The following TPTE variants were observed in gnomAD, a reference collection of about 807,000 sequenced individuals.
The protein encoded by TPTE is putative tyrosine-protein phosphatase TPTE.
TPTE carries 59 observed loss-of-function variants against 84.1 expected under a neutral mutation model. That is an observed-to-expected ratio of 0.70 (90% CI 0.57 to 0.87). The LOEUF (loss-of-function observed/expected upper bound fraction) is 0.87, where lower values mean the gene tolerates loss of function less well. Ranked by LOEUF, TPTE falls within the 40% of genes least tolerant of loss-of-function variation. TPTE has a pLI of 0.00. For synonymous variants in TPTE, 130 were observed against 223.5 expected (o/e 0.58, Z 3.73); for missense variants, 382 against 659.6 (o/e 0.58, Z 4.61).
At chr21:10,553,230 A>G (rs1383035184) in intron 8 of TPTE, among the ~76,000 whole-genome samples, 2 of 152,298 alleles carry the variant, frequency 1.3e-5, no homozygotes, top group African/African-American at 2.4e-5. Flanking sequence ...GCATTTTATC[A>G]TGTACTCACT....
chr21:10,604,115 A>G (rs1441383593), intron 23 of TPTE, among the ~76,000 whole-genome samples: 1 of 152,308 alleles, frequency 6.6e-6, no homozygotes, highest in Non-Finnish European at 1.5e-5. Flanking sequence ...TAAGGAATAC[A>G]GCTAAGAAAT....
intron 10 of TPTE, among the ~76,000 whole-genome samples, chr21:10,566,210 A>T (rs1223422198): frequency 6.6e-6 from 1 of 152,308 alleles, no homozygotes; most frequent in Non-Finnish European, 1.5e-5. Context: ...TTGAATAGGC[A>T]TTTCTCAAAA....
chr21:10,587,397 G>T (rs1234763643), intron 17 of TPTE, among the ~76,000 whole-genome samples: 1 of 152,304 alleles, frequency 6.6e-6, no homozygotes, highest in African/African-American at 2.4e-5. Flanking sequence ...ACTCCCCAGG[G>T]TCCATTATTG....
intron 14 of TPTE, among the ~76,000 whole-genome samples, chr21:10,572,017 AAAAT>A (rs1161106000): frequency 6.6e-6 from 1 of 152,412 alleles, no homozygotes; most frequent in African/African-American, 2.4e-5. Context: ...AAAAAAAAAA[AAAAT>A]ACAATCAAGA....
intron 10 of TPTE, among the ~76,000 whole-genome samples, chr21:10,563,623 A>G (rs1441228131): frequency 1.3e-5 from 2 of 152,426 alleles, no homozygotes; most frequent in Non-Finnish European, 2.9e-5. Flanking sequence ...TGGTAACCTC[A>G]AACCAAAAAA....
intron 5 of TPTE, among the ~76,000 whole-genome samples, chr21:10,541,686 A>T (rs370089077): frequency 6.6e-6 from 1 of 152,310 alleles, no homozygotes; most frequent in African/African-American, 2.4e-5. Flanking sequence ...AGAGGCTTCC[A>T]TCTGTTACTG....
intron 2 of TPTE, among the ~76,000 whole-genome samples, chr21:10,527,149 T>TCACACACA (rs1277546815): frequency 1.4e-3 from 199 of 147,238 alleles, no homozygotes; most frequent in African/African-American, 5.0e-3. Context: ...TCTCTCTCTC[T>TCACACACA]CTCTCTCTCA....
intron 10 of TPTE, among the ~76,000 whole-genome samples, chr21:10,564,339 G>A (rs537515000): frequency 1.1e-3 from 167 of 152,330 alleles, no homozygotes; most frequent in Non-Finnish European, 1.6e-3. Flanking sequence ...GTGAAACCCT[G>A]TCTCTACTAA....
chr21:10,595,623 T>TGG (rs1485584959), intron 19 of TPTE, among the ~76,000 whole-genome samples: 1 of 152,308 alleles, frequency 6.6e-6, no homozygotes, highest in Non-Finnish European at 1.5e-5. Flanking sequence ...AAGCTGCTCA[T>TGG]CACCAAACCA....
At chr21:10,547,217 C>A (rs578260695) in intron 7 of TPTE, among the ~76,000 whole-genome samples, 3 of 152,310 alleles carry the variant, frequency 2.0e-5, no homozygotes, top group Non-Finnish European at 4.4e-5. Flanking sequence ...GTGCTCATCT[C>A]CCCTACAAGA....
chr21:10,524,436 T>TA, intron 1 of TPTE, 144 bp from the exon 2 acceptor site: 1 of 152,546 alleles, frequency 6.6e-6, no homozygotes, highest in Non-Finnish European at 1.5e-5. Context: ...ATAACCTTGT[T>TA]ACTTGCCAGG....
intron 3 of TPTE, among the ~76,000 whole-genome samples, chr21:10,532,575 A>G (rs1419356662): frequency 6.6e-6 from 1 of 152,306 alleles, no homozygotes; most frequent in Non-Finnish European, 1.5e-5. Flanking sequence ...CAACCTCTCT[A>G]CTTAAATGTG....
chr21:10,541,066 T>A, intron 4 of TPTE, 46 bp from the exon 5 acceptor site: 1 of 1,610,844 alleles, frequency 6.2e-7, no homozygotes. Flanking sequence ...TTGCAAAACA[T>A]TAGAATTACG....
chr21:10,593,025 T>G (rs1484786492), intron 19 of TPTE, among the ~76,000 whole-genome samples: 1 of 152,244 alleles, frequency 6.6e-6, no homozygotes, highest in African/African-American at 2.4e-5. Flanking sequence ...ATGGAAAATT[T>G]TAATCATATA....
intron 1 of TPTE, among the ~76,000 whole-genome samples, chr21:10,522,703 CA>C (rs1205522757): frequency 1.3e-5 from 2 of 152,280 alleles, no homozygotes; most frequent in Admixed American, 6.5e-5. Context: ...TGTTTTCTTA[CA>C]ATTGAAGTTT....
chr21:10,594,385 C>A (rs868534517), intron 19 of TPTE, among the ~76,000 whole-genome samples: 1 of 152,430 alleles, frequency 6.6e-6, no homozygotes, highest in Middle Eastern at 3.4e-3. Flanking sequence ...GTGGTGACTT[C>A]TGTATCCCCT....
intron 21 of TPTE, among the ~76,000 whole-genome samples, chr21:10,601,466 G>GTAGCC (rs1234300726): frequency 6.6e-6 from 1 of 152,288 alleles, no homozygotes; most frequent in Non-Finnish European, 1.5e-5. Context: ...TCATGCCACT[G>GTAGCC]TAGCCTGGCG....
At chr21:10,568,242 T>C (rs1158761747) in intron 11 of TPTE, among the ~76,000 whole-genome samples, 23 of 152,386 alleles carry the variant, frequency 1.5e-4, no homozygotes, top group Admixed American at 3.3e-4. Flanking sequence ...TAATGTTCTG[T>C]CTGGATTTTT....
intron 5 of TPTE, among the ~76,000 whole-genome samples, chr21:10,541,806 G>T (rs1450978221): frequency 6.6e-6 from 1 of 152,310 alleles, no homozygotes; most frequent in African/African-American, 2.4e-5. Flanking sequence ...TTGGAGTGAG[G>T]AGGAGGTAGG....
Sources: gnomAD v4.1 joint callset for allele counts (sites outside exome capture counted in the v4.1 genomes callset) on GRCh38, gnomAD v4.1.1 for gene constraint, MANE v1.5 for transcripts, NCBI Gene and HGNC (gene_info 2026-07-23, HGNC 2026-07-21) for gene names.